Variants in ADARB1 observed in about 807,000 individuals in gnomAD.
ADARB1 encodes the protein double-stranded RNA-specific editase 1.
Under a neutral mutation model 52.4 loss-of-function variants are expected in ADARB1, and 10 were observed. The ratio of observed to expected loss-of-function variants is 0.19; its 90% CI spans 0.12 to 0.32. The LOEUF is 0.32. Among genes scored for constraint, ADARB1 ranks in the 10% least tolerant of loss-of-function variants. The pLI is 1.00. For missense variants in ADARB1, 643 were observed against 922.3 expected, an observed-to-expected ratio of 0.70 and a Z score of 3.92; for synonymous variants, 349 against 371.1, an observed-to-expected ratio of 0.94 and a Z score of 0.68.
At chr21:45,161,772 C>T (rs1446443962) in intron 2 of ADARB1, among the ~76,000 whole-genome samples, 6 of 152,162 alleles carry the variant, frequency 3.9e-5, no homozygotes, top group African/African-American at 7.2e-5. Context: ...TGAGAACTTA[C>T]GGTGCTTTTC....
At chr21:45,103,351 A>G (rs2087109929) in intron 1 of ADARB1, among the ~76,000 whole-genome samples, 1 of 151,986 alleles carries the variant, frequency 6.6e-6, no homozygotes, top group South Asian at 2.1e-4. Flanking sequence ...AGCGCGTTAC[A>G]TTTATTGTGC....
chr21:45,163,729 G>A (rs1169038229), intron 2 of ADARB1, among the ~76,000 whole-genome samples: 1 of 152,240 alleles, frequency 6.6e-6, no homozygotes, highest in Non-Finnish European at 1.5e-5. Flanking sequence ...GTCGGGTGTG[G>A]ACGGTGTGCT....
At chr21:45,216,199 G>C (rs958927823) in intron 9 of ADARB1, among the ~76,000 whole-genome samples, 1 of 151,306 alleles carries the variant, frequency 6.6e-6, no homozygotes, top group Non-Finnish European at 1.5e-5. Context: ...ATCTTCTCTT[G>C]GTTGTTTTTT....
intron 2 of ADARB1, among the ~76,000 whole-genome samples, chr21:45,160,982 T>G (rs1295916353): frequency 6.6e-6 from 1 of 152,240 alleles, no homozygotes; most frequent in East Asian, 1.9e-4. Context: ...GTTTTAAAGA[T>G]CTGCTTTATA....
Position 45,176,338 on chromosome 21 carries a change from G to C in ADARB1, c.637G>C (p.Val213Leu). ...SGDLSLSASP[V>L]PASLAQPPLP... Reference sequence around the variant, plus strand: ...GGACCTCAGCTTGTCTGCTTCCCCGGTGCCTGCCAGCCTAGCCCAGCCTCC... The same window carrying C: ...GGACCTCAGCTTGTCTGCTTCCCCGCTGCCTGCCAGCCTAGCCCAGCCTCC... The change falls in exon 4 of 11, where the codon GTG (valine) becomes CTG (leucine). Residue 213 changes from valine to leucine, a missense_variant. By Grantham distance (32) the Val-to-Leu change is conservative. This residue lies in a region of ADARB1 where 380 missense variants were observed against 446.5 expected (regional missense o/e 0.85). Coordinates refer to ENST00000348831, the MANE Select transcript of ADARB1 (RefSeq NM_001112.4). This position sits in a 1 kb window ranked among gnomAD's most constrained non-coding sequence, Gnocchi z 5.8. 1 of 1,614,030 alleles carries C rather than the reference G, an allele frequency of 6.2e-7. No individual in the cohort carries two copies. The highest frequency in any genetic ancestry group is 1.7e-5 in the Admixed American group (1 of 60,020).
At chr21:45,136,901 T>TA (rs971636675) in intron 2 of ADARB1, among the ~76,000 whole-genome samples, 3 of 152,186 alleles carry the variant, frequency 2.0e-5, no homozygotes, top group Non-Finnish European at 2.9e-5. Context: ...AGCATCAAGT[T>TA]AAAAAAATTC....
chr21:45,113,081 C>CAAAA (rs1229072800), intron 1 of ADARB1, among the ~76,000 whole-genome samples: 2 of 152,116 alleles, frequency 1.3e-5, no homozygotes, highest in Non-Finnish European at 2.9e-5. Flanking sequence ...GCTTGCACGC[C>CAAAA]TTTCCTAGGG....
Position 45,142,097 on chromosome 21 carries a change from C to T in ADARB1, c.-48+13524C>T, listed in dbSNP as rs149823916. 1.3e-5 allele frequency among the ~76,000 whole-genome samples: 2 copies of T among 152,332 alleles called. No homozygotes were observed. The highest frequency in any genetic ancestry group is 4.8e-5 in the African/African-American group (2 of 41,574). On this transcript the variant is annotated intron_variant, in intron 2 of 10. Coordinates refer to ENST00000348831, the MANE Select transcript of ADARB1 (RefSeq NM_001112.4). The surrounding 1 kb of genome is among the most constrained non-coding windows in gnomAD (Gnocchi z 4.0). ...GGGCCACCTTGGCCACTCTGGGTCACCTTGTCTACCCCTGGGTTACCTGAG... is the reference window on the plus strand; with the variant it reads ...GGGCCACCTTGGCCACTCTGGGTCATCTTGTCTACCCCTGGGTTACCTGAG...
At chr21:45,210,935 C>T (rs1443436036) in intron 9 of ADARB1, among the ~76,000 whole-genome samples, 1 of 152,238 alleles carries the variant, frequency 6.6e-6, no homozygotes, top group Non-Finnish European at 1.5e-5. Flanking sequence ...TGGACATGAG[C>T]CCACCTCACT....
At chr21:45,175,166 T>G (rs2091642766) in intron 3 of ADARB1, among the ~76,000 whole-genome samples, 1 of 152,236 alleles carries the variant, frequency 6.6e-6, no homozygotes, top group Non-Finnish European at 1.5e-5. Context: ...ATAATTGCAT[T>G]TATTGATTGA....
At chr21:45,126,490 G>C (rs1447873461) in intron 1 of ADARB1, among the ~76,000 whole-genome samples, 2 of 152,094 alleles carry the variant, frequency 1.3e-5, no homozygotes, top group Non-Finnish European at 2.9e-5. Context: ...TCTTAGTCAC[G>C]GGGCCAAGCA....
rs1448300029 is a variant in ADARB1 at position 45,210,126 on chromosome 21, C to T, written c.1747+5390C>T. Among the ~76,000 whole-genome samples, 3 of 152,216 alleles carry T rather than the reference C, an allele frequency of 2.0e-5. No homozygotes were observed. The East Asian group carries it at 5.8e-4, about 29-fold the overall frequency. ...TGGGAGAGTGACTCCATTTGGGGCTCGTCATCTCTGTTGGGTTTTCAGTGG... is the reference window on the plus strand; with the variant it reads ...TGGGAGAGTGACTCCATTTGGGGCTTGTCATCTCTGTTGGGTTTTCAGTGG... On this transcript the variant is annotated intron_variant, in intron 9 of 10. Transcript: ENST00000348831.
intron 1 of ADARB1, among the ~76,000 whole-genome samples, chr21:45,121,132 G>A (rs879779531): frequency 3.3e-5 from 5 of 152,078 alleles, no homozygotes; most frequent in Non-Finnish European, 5.9e-5. Context: ...CTCGTAAAAC[G>A]AGTGGGGGAT....
intron 1 of ADARB1, among the ~76,000 whole-genome samples, chr21:45,098,134 G>A (rs532381660): frequency 2.0e-5 from 3 of 152,136 alleles, no homozygotes; most frequent in Middle Eastern, 3.4e-3. Flanking sequence ...GCCTTTCCAC[G>A]TCTCCCTGCT....
At chr21:45,077,302 A>G (rs968833594) in intron 1 of ADARB1, among the ~76,000 whole-genome samples, 1 of 152,248 alleles carries the variant, frequency 6.6e-6, no homozygotes, top group Non-Finnish European at 1.5e-5. Flanking sequence ...ACCAGCCTAT[A>G]AAAAAGTTTA....
intron 9 of ADARB1, among the ~76,000 whole-genome samples, chr21:45,211,084 A>T (rs1258587288): frequency 1.3e-5 from 2 of 152,228 alleles, no homozygotes; most frequent in East Asian, 1.9e-4. Flanking sequence ...GACAACCAGG[A>T]CAAGGCACTT....
intron 1 of ADARB1, among the ~76,000 whole-genome samples, chr21:45,100,320 C>T (rs961596594): frequency 7.9e-5 from 12 of 152,114 alleles, no homozygotes; most frequent in Admixed American, 2.6e-4. Flanking sequence ...CACTGGCCCC[C>T]GTCAGTCACT....
intron 8 of ADARB1, among the ~76,000 whole-genome samples, chr21:45,199,514 A>G (rs1206451616): frequency 6.6e-6 from 1 of 152,218 alleles, no homozygotes; most frequent in African/African-American, 2.4e-5. Flanking sequence ...AAAGTAGCCA[A>G]CGACCAGTCC....
chr21:45,205,390 A>G (rs1478452627), intron 9 of ADARB1, among the ~76,000 whole-genome samples: 1 of 152,234 alleles, frequency 6.6e-6, no homozygotes, highest in Non-Finnish European at 1.5e-5. Flanking sequence ...CAGAGACTCA[A>G]CAGACACTGA....
Sources: gnomAD v4.1 joint callset for allele counts (sites outside exome capture counted in the v4.1 genomes callset) on GRCh38, gnomAD v4.1.1 for gene constraint, gnomAD v4.1.1 regional missense constraint, Gnocchi (gnomAD v3.1) non-coding constraint, MANE v1.5 for transcripts, NCBI Gene and HGNC (gene_info 2026-07-23, HGNC 2026-07-21) for gene names.